Variants in CHODL observed in about 807,000 individuals in gnomAD.
CHODL encodes chondrolectin.
CHODL carries 29 observed loss-of-function variants against 34.5 expected under a neutral mutation model. That is an observed-to-expected ratio of 0.84 (90% CI 0.63 to 1.15). The LOEUF (loss-of-function observed/expected upper bound fraction) is 1.15, where lower values mean the gene tolerates loss of function less well. Ranked by LOEUF, CHODL falls within the 50% of genes most tolerant of loss-of-function variation. The probability of loss-of-function intolerance (pLI) is 0.00; values close to 1 mark genes in which losing one functional copy is unlikely to be tolerated. For synonymous variants in CHODL, 125 were observed against 116.1 expected, an observed-to-expected ratio of 1.08 and a Z score of -0.49; for missense variants, 332 against 332.5, an observed-to-expected ratio of 1.00 and a Z score of 0.01.
rs1426869387 is a variant in CHODL, at chr21:18,266,640, G to GTCTA, written c.*603_*606dup. On this transcript the variant is annotated 3_prime_UTR_variant, in exon 6 of 6. Coordinates refer to ENST00000299295, the MANE Select transcript of CHODL (RefSeq NM_024944.3). ...TTCAGCTTCTCTGCTTTTGGTCAATGTCTAGGAAATCTCTTCAGAAATAAG... is the reference window on the plus strand; with the variant it reads ...TTCAGCTTCTCTGCTTTTGGTCAATGTCTATCTAGGAAATCTCTTCAGAAATAAG... The GTCTA allele has an allele frequency of 2.0e-5, 3 of 153,328 alleles. No homozygotes were observed. The highest frequency in any genetic ancestry group is 2.9e-5 in the Non-Finnish European group (2 of 68,690). The allele number at this position is 153,328 out of a possible 1,614,324, so 9.5% of individuals were successfully genotyped here.
chr21:18,072,217 T>C (rs960076096), intron 2 of CHODL, among the ~76,000 whole-genome samples: 5 of 144,496 alleles, frequency 3.5e-5, no homozygotes, highest in Non-Finnish European at 7.6e-5. Context: ...ATCATAAAAA[T>C]ATATAATTCT....
intron 2 of CHODL, among the ~76,000 whole-genome samples, chr21:18,081,336 T>C (rs1188521024): frequency 6.6e-6 from 1 of 152,194 alleles, no homozygotes; most frequent in Non-Finnish European, 1.5e-5. Context: ...TTTTATTTTT[T>C]TCTTGCCTGA....
At chr21:18,013,428 T>C (rs992242053) in intron 1 of CHODL, among the ~76,000 whole-genome samples, 5 of 100,232 alleles carry the variant, frequency 5.0e-5, no homozygotes, top group African/African-American at 2.0e-4. Context: ...CTGTAACTGC[T>C]TCAACTTCTC....
In CHODL at chr21:17,944,235, A is replaced by G. The variant is rs112748935; in HGVS notation, c.-145+26835A>G. On this transcript the variant is annotated intron_variant, in intron 1 of 6. Coordinates refer to the CHODL transcript ENST00000400127. ...TCTGCATAGCCAAAAAGCCTGCCCT[A>G]TAACCCTGCATAGACAGGGAGATTC... 7.3e-3 allele frequency among the ~76,000 whole-genome samples: 1,110 copies of G among 152,292 alleles called. 7 individuals carry two copies. The Middle Eastern group carries it at 0.11, about 15-fold the overall frequency.
At chr21:17,928,450 T>C (rs2063245861) in intron 1 of CHODL, among the ~76,000 whole-genome samples, 1 of 152,134 alleles carries the variant, frequency 6.6e-6, no homozygotes, top group Admixed American at 6.5e-5. Flanking sequence ...ACTCCTAAAG[T>C]ACAGGTAGAG....
At chr21:18,136,121 A>AAGAAAG (rs201543423) in intron 2 of CHODL, among the ~76,000 whole-genome samples, 1 of 138,144 alleles carries the variant, frequency 7.2e-6, no homozygotes, top group African/African-American at 2.7e-5. Flanking sequence ...AAAAAAAAGA[A>AAGAAAG]AAAGAAAAAA....
intron 1 of CHODL, among the ~76,000 whole-genome samples, chr21:17,965,934 G>C (rs1348971882): frequency 7.4e-6 from 1 of 134,302 alleles, no homozygotes; most frequent in Non-Finnish European, 1.7e-5. Flanking sequence ...TTTTAAACAG[G>C]GGACTTATTT....
intron 1 of CHODL, among the ~76,000 whole-genome samples, chr21:18,007,574 G>A (rs1250515162): frequency 6.6e-6 from 1 of 152,128 alleles, no homozygotes; most frequent in African/African-American, 2.4e-5. Flanking sequence ...AAGAAATACA[G>A]GCATTTAATG....
At chr21:17,956,773 C>T (rs1440249545) in intron 1 of CHODL, among the ~76,000 whole-genome samples, 1 of 135,866 alleles carries the variant, frequency 7.4e-6, no homozygotes, top group Non-Finnish European at 1.7e-5. Flanking sequence ...AGAGCTGTGT[C>T]CTTATGACCT....
At chr21:18,169,809 T>C (rs2146656784) in intron 2 of CHODL, among the ~76,000 whole-genome samples, 1 of 152,230 alleles carries the variant, frequency 6.6e-6, no homozygotes, top group South Asian at 2.1e-4. Flanking sequence ...GATTAGTTTT[T>C]ATTTTCACCC....
chr21:17,929,465 A>G (rs1379606486), intron 1 of CHODL, among the ~76,000 whole-genome samples: 1 of 152,250 alleles, frequency 6.6e-6, no homozygotes, highest in Non-Finnish European at 1.5e-5. Flanking sequence ...CACTTTGAAT[A>G]GATCATCTAA....
At chr21:18,161,975 A>G (rs1346148044) in intron 2 of CHODL, among the ~76,000 whole-genome samples, 1 of 152,198 alleles carries the variant, frequency 6.6e-6, no homozygotes, top group African/African-American at 2.4e-5. Context: ...ACAAAATGAC[A>G]TACACATGTT....
chr21:17,996,399 A>T (rs1475245255), intron 1 of CHODL, among the ~76,000 whole-genome samples: 1 of 152,210 alleles, frequency 6.6e-6, no homozygotes, highest in East Asian at 1.9e-4. Flanking sequence ...CTCTGGACTT[A>T]TACAGCTTGA....
chr21:18,081,165 T>G (rs2064936967), intron 2 of CHODL, among the ~76,000 whole-genome samples: 1 of 152,214 alleles, frequency 6.6e-6, no homozygotes, highest in Admixed American at 6.5e-5. Context: ...GAAATGCCAC[T>G]GATTTCTGTA....
intron 2 of CHODL, among the ~76,000 whole-genome samples, chr21:18,196,564 A>G (rs1321975170): frequency 6.6e-6 from 1 of 152,200 alleles, no homozygotes; most frequent in East Asian, 1.9e-4. Context: ...CAAACTCAAT[A>G]TGAATCCATT....
intron 2 of CHODL, among the ~76,000 whole-genome samples, chr21:18,194,928 G>A (rs1471420951): frequency 6.6e-6 from 1 of 151,884 alleles, no homozygotes; most frequent in Non-Finnish European, 1.5e-5. Flanking sequence ...GTTAACATAT[G>A]CATTACTTCA....
chr21:18,199,421 T>C (rs2073626803), intron 2 of CHODL, among the ~76,000 whole-genome samples: 1 of 152,136 alleles, frequency 6.6e-6, no homozygotes, highest in Non-Finnish European at 1.5e-5. Context: ...TCCTCTATTA[T>C]TAACATCTTG....
At chr21:17,983,044 A>G (rs1427010667) in intron 1 of CHODL, among the ~76,000 whole-genome samples, 2 of 152,002 alleles carry the variant, frequency 1.3e-5, no homozygotes, top group Admixed American at 6.6e-5. Flanking sequence ...GTAGTGTTAC[A>G]TAATTTTTGA....
At chr21:18,183,250 A>G (rs773073514) in intron 2 of CHODL, among the ~76,000 whole-genome samples, 2 of 152,202 alleles carry the variant, frequency 1.3e-5, no homozygotes, top group South Asian at 2.1e-4. Flanking sequence ...TGATGCTATT[A>G]TCTTCTAATA....
Sources: gnomAD v4.1 joint callset for allele counts (sites outside exome capture counted in the v4.1 genomes callset) on GRCh38, gnomAD v4.1.1 for gene constraint, MANE v1.5 for transcripts, NCBI Gene and HGNC (gene_info 2026-07-23, HGNC 2026-07-21) for gene names.